Variants in PRSS23 observed in about 807,000 individuals in gnomAD.
PRSS23 encodes serine protease 23.
Under a neutral mutation model 34.7 loss-of-function variants are expected in PRSS23, and 25 were observed. The observed-to-expected ratio is 0.72, with a 90% CI of 0.53 to 1.01. The LOEUF (loss-of-function observed/expected upper bound fraction) is 1.01. PRSS23 is among the 50% of genes least tolerant of loss of function. PRSS23 has a pLI of 0.00. For synonymous variants in PRSS23, 176 were observed against 186.6 expected (o/e 0.94, Z 0.46); for missense variants, 445 against 475.6 (o/e 0.94, Z 0.60).
Position 86,824,079 on chromosome 11 carries a change from G to C in PRSS23, c.206+486G>C, listed in dbSNP as rs530150257. ...GTGAAGAGAAGTCAAAGCCAAAAGAGGGCTCTGCCGTTTAGAAGAAGGGGA... is the reference window on the plus strand; with the variant it reads ...GTGAAGAGAAGTCAAAGCCAAAAGACGGCTCTGCCGTTTAGAAGAAGGGGA... On this transcript the variant is annotated intron_variant, in intron 2 of 2. Coordinates refer to the PRSS23 transcript ENST00000533902. Among the ~76,000 whole-genome samples the C allele has an allele frequency of 1.2e-3, 177 of 142,456 alleles. 1 individual carries two copies. Among genetic ancestry groups the C allele is most frequent in the African/African-American group, 4.1e-3 (167 of 40,316 alleles). The allele number at this position is 142,456 out of a possible 152,430, so 93.5% of individuals were successfully genotyped here.
chr11:86,843,588 A>G (rs181499227), intron 2 of PRSS23, among the ~76,000 whole-genome samples: 11 of 152,304 alleles, frequency 7.2e-5, no homozygotes, highest in African/African-American at 2.6e-4. Flanking sequence ...AAAAAGCCCC[A>G]TCAAAAAGTG....
chr11:86,796,393 G>A (rs923062001), upstream of PRSS23, among the ~76,000 whole-genome samples: 11 of 152,124 alleles, frequency 7.2e-5, no homozygotes, highest in African/African-American at 2.4e-4. Context: ...TGTAATCCCA[G>A]CACTTTGGGA....
At chr11:86,949,399 T>C (rs1949270717) in intron 2 of PRSS23, 1 of 146,816 alleles carries the variant, frequency 6.8e-6, no homozygotes, top group African/African-American at 2.5e-5. Flanking sequence ...TTCCACAAAG[T>C]GTGATTGAAA....
intron 2 of PRSS23, among the ~76,000 whole-genome samples, chr11:86,831,954 A>G (rs1034986556): frequency 5.9e-5 from 9 of 151,894 alleles, no homozygotes; most frequent in African/African-American, 2.2e-4. Context: ...ACACCCTGTG[A>G]TATTATTCGT....
intron 2 of PRSS23, chr11:86,936,881 GAAAAAAAA>G (rs5793230): frequency 7.1e-6 from 1 of 140,076 alleles, no homozygotes; most frequent in Admixed American, 7.1e-5. Context: ...ACAGAGTAAA[GAAAAAAAA>G]AAAAAAAGAG....
chr11:86,911,769 TGTG>T (rs1948979578), intron 2 of PRSS23: 1 of 151,440 alleles, frequency 6.6e-6, no homozygotes, highest in Non-Finnish European at 1.5e-5. Context: ...GGAGTGTGTG[TGTG>T]TGTGTGTGTG....
intron 2 of PRSS23, among the ~76,000 whole-genome samples, chr11:86,854,497 C>T (rs1452149543): frequency 6.6e-6 from 1 of 152,162 alleles, no homozygotes; most frequent in East Asian, 1.9e-4. Context: ...TTTTGATGCA[C>T]AAAAGTGTTT....
intron 2 of PRSS23, among the ~76,000 whole-genome samples, chr11:86,930,159 A>G (rs1233406151): frequency 1.4e-5 from 2 of 146,366 alleles, no homozygotes; most frequent in Non-Finnish European, 3.0e-5. Context: ...ATATCTGGGG[A>G]AAAAAACTGA....
At chr11:86,813,353 T>G (rs1002617493), downstream of PRSS23, among the ~76,000 whole-genome samples, 7 of 152,210 alleles carry the variant, frequency 4.6e-5, no homozygotes, top group Non-Finnish European at 2.9e-5. Context: ...CAAACTGAAG[T>G]GCAAGGGCCC....
rs1334113200 is a variant in PRSS23 at position 86,951,979 on chromosome 11, A to G, written c.*694A>G. On this transcript the variant is annotated 3_prime_UTR_variant, in exon 3 of 3. Coordinates refer to the PRSS23 transcript ENST00000533902. ...CAATGCTATAAATATTATAGCACAT[A>G]CTGAGAAATATGATGGGGCGCTCAG... The G allele has an allele frequency of 5.6e-6, 9 of 1,613,922 alleles. No homozygotes were observed. The highest frequency in any genetic ancestry group is 7.6e-6 in the Non-Finnish European group (9 of 1,179,960).
intron 1 of PRSS23, among the ~76,000 whole-genome samples, chr11:86,794,030 CAAAGT>C (rs1947966702): frequency 6.6e-6 from 1 of 151,912 alleles, no homozygotes; most frequent in African/African-American, 2.4e-5. Flanking sequence ...GAATTTTCCA[CAAAGT>C]AAAGGAGAAA....
At chr11:86,933,795 A>C (rs575650216) in intron 2 of PRSS23, 1 of 152,358 alleles carries the variant, frequency 6.6e-6, no homozygotes, top group African/African-American at 2.4e-5. Context: ...AAATTTGTTA[A>C]ACAATGGTGG....
At chr11:86,943,302 C>T (rs1412839948) in intron 2 of PRSS23, among the ~76,000 whole-genome samples, 1 of 152,242 alleles carries the variant, frequency 6.6e-6, no homozygotes, top group African/African-American at 2.4e-5. Flanking sequence ...AAAGAATCTA[C>T]CCACTCCAAG....
intron 2 of PRSS23, chr11:86,940,752 C>A (rs901997098): frequency 6.6e-6 from 1 of 152,244 alleles, no homozygotes; most frequent in Admixed American, 6.5e-5. Flanking sequence ...CTCCTGCAGG[C>A]AACTCTCTGC....
In PRSS23 at chr11:86,913,274, C is replaced by CAA. The variant is rs201233084; in HGVS notation, c.207-37926_207-37925dup. Among the ~76,000 whole-genome samples, 534 of 61,098 alleles carry CAA rather than the reference C, an allele frequency of 8.7e-3. 4 individuals are homozygous for CAA. Among genetic ancestry groups the CAA allele is most frequent in the Non-Finnish European group, 0.013 (338 of 26,498 alleles). 40.1% of individuals were successfully genotyped at this position (61,098 alleles called of 152,430 possible). A position where few individuals can be genotyped will look rare whatever the true frequency, so the allele number is the denominator to read the frequency against. On this transcript the variant is annotated intron_variant, in intron 2 of 2. Coordinates refer to the PRSS23 transcript ENST00000533902. ...GTACTCACTGGGGTCTGCCCTCAGG[C>CAA]AAAAAAAAAAAAAAAAACCTATTAA...
intron 2 of PRSS23, among the ~76,000 whole-genome samples, chr11:86,930,956 G>C (rs1949121719): frequency 6.6e-6 from 1 of 152,156 alleles, no homozygotes; most frequent in Admixed American, 6.5e-5. Context: ...AAAGCTAAAA[G>C]GAAAGTGAGG....
At chr11:86,795,874 A>G (rs918101884), upstream of PRSS23, among the ~76,000 whole-genome samples, 5 of 152,232 alleles carry the variant, frequency 3.3e-5, no homozygotes, top group African/African-American at 1.2e-4. Flanking sequence ...CTTTTTGATA[A>G]CTTTCAAACT....
intron 2 of PRSS23, chr11:86,945,859 A>C (rs1949238269): frequency 6.6e-6 from 1 of 151,558 alleles, no homozygotes; most frequent in Non-Finnish European, 1.5e-5. Flanking sequence ...GTGTAGCAGG[A>C]AGTTTGCCTG....
chr11:86,841,572 A>C lies in PRSS23; in HGVS notation c.206+17979A>C, dbSNP rs539267147. ...TAAAGAAGAAAAGAAGAAATAATCA[A>C]ATAGACACAATAAAAAATGATAATG... On this transcript the variant is annotated intron_variant, in intron 2 of 2. Coordinates refer to the PRSS23 transcript ENST00000533902. Among the ~76,000 whole-genome samples the C allele has an allele frequency of 3.0e-4, 45 of 152,280 alleles. No homozygotes were observed. In the South Asian group the frequency reaches 4.3e-3, roughly 15 times the overall value.
Sources: gnomAD v4.1 joint callset for allele counts (sites outside exome capture counted in the v4.1 genomes callset) on GRCh38, gnomAD v4.1.1 for gene constraint, MANE v1.5 for transcripts, NCBI Gene and HGNC (gene_info 2026-07-23, HGNC 2026-07-21) for gene names.